The following SSBP2 variants were observed in gnomAD, a reference collection of about 807,000 sequenced individuals.
SSBP2 encodes single-stranded DNA-binding protein 2.
A neutral mutation model predicts 61.8 loss-of-function variants in SSBP2; 17 were observed. That is an observed-to-expected ratio of 0.28 (90% CI 0.19 to 0.41). SSBP2 has a LOEUF of 0.41. SSBP2 is among the 10% of genes least tolerant of loss of function. SSBP2 has a pLI of 1.00. For missense variants in SSBP2, 310 were observed against 458.7 expected, an observed-to-expected ratio of 0.68 and a Z score of 2.96; for synonymous variants, 139 against 141.3, an observed-to-expected ratio of 0.98 and a Z score of 0.12.
At chr5:81,615,623 A>C in intron 3 of SSBP2, 66 bp from the exon 4 acceptor site, 2 of 1,063,204 alleles carry the variant, frequency 1.9e-6, no homozygotes, top group East Asian at 4.8e-5. Flanking sequence ...TCACAATTCC[A>C]AAAGTAGAAG....
chr5:81,736,247 T>C (rs2085684428), intron 1 of SSBP2, among the ~76,000 whole-genome samples: 1 of 151,978 alleles, frequency 6.6e-6, no homozygotes, highest in Non-Finnish European at 1.5e-5. Flanking sequence ...ACTGGACTTC[T>C]TCCAAGCACA....
At chr5:81,511,055 T>C (rs1221773358) in intron 5 of SSBP2, among the ~76,000 whole-genome samples, 1 of 152,120 alleles carries the variant, frequency 6.6e-6, no homozygotes, top group Non-Finnish European at 1.5e-5. Context: ...TCTCTCTCTC[T>C]CTCCTTTTCC....
chr5:81,420,717 A>G (rs1453424524), intron 16 of SSBP2, among the ~76,000 whole-genome samples, 184 bp from the exon 17 acceptor site: 2 of 152,212 alleles, frequency 1.3e-5, no homozygotes, highest in Non-Finnish European at 2.9e-5. Context: ...TTAACTTAGT[A>G]CTGAAATTTT....
chr5:81,498,123 G>A (rs1477834357), intron 5 of SSBP2, among the ~76,000 whole-genome samples: 1 of 152,008 alleles, frequency 6.6e-6, no homozygotes, highest in Non-Finnish European at 1.5e-5. Flanking sequence ...TTTCCATTAA[G>A]AAAAGGCTCA....
At chr5:81,601,903 A>C (rs1230901261) in intron 4 of SSBP2, among the ~76,000 whole-genome samples, 1 of 152,192 alleles carries the variant, frequency 6.6e-6, no homozygotes, top group Admixed American at 6.5e-5. Flanking sequence ...CAAAACACCT[A>C]GTTATTCAGG....
chr5:81,550,871 T>G (rs955864597), intron 4 of SSBP2, among the ~76,000 whole-genome samples: 1 of 151,982 alleles, frequency 6.6e-6, no homozygotes, highest in African/African-American at 2.4e-5. Context: ...CCGAGGCAGG[T>G]GGATCACGAG....
At chr5:81,524,479 G>C (rs1353060342) in intron 4 of SSBP2, among the ~76,000 whole-genome samples, 1 of 151,930 alleles carries the variant, frequency 6.6e-6, no homozygotes, top group Admixed American at 6.6e-5. Context: ...ATTTGCTATG[G>C]CAGCAACTGA....
intron 4 of SSBP2, among the ~76,000 whole-genome samples, chr5:81,519,398 G>A (rs1350335978): frequency 2.0e-5 from 3 of 152,030 alleles, no homozygotes; most frequent in Non-Finnish European, 4.4e-5. Flanking sequence ...ACTGTAGCAG[G>A]TGTGAGAGAC....
intron 1 of SSBP2, among the ~76,000 whole-genome samples, chr5:81,728,708 G>C (rs1369756924): frequency 2.6e-5 from 4 of 152,126 alleles, no homozygotes; most frequent in Non-Finnish European, 4.4e-5. Flanking sequence ...AATAAATTCT[G>C]GTTGCTTGAT....
chr5:81,605,896 A>G (rs1744836373), intron 4 of SSBP2, among the ~76,000 whole-genome samples: 1 of 152,182 alleles, frequency 6.6e-6, no homozygotes, highest in South Asian at 2.1e-4. Flanking sequence ...CCACTGGTGG[A>G]AATTGTTAAG....
intron 5 of SSBP2, among the ~76,000 whole-genome samples, chr5:81,504,537 C>T (rs1455824521): frequency 6.6e-6 from 1 of 152,128 alleles, no homozygotes; most frequent in Non-Finnish European, 1.5e-5. Flanking sequence ...GAGCACTTTT[C>T]CCCCAGATAT....
At chr5:81,576,344 G>A (rs1481779214) in intron 4 of SSBP2, among the ~76,000 whole-genome samples, 1 of 152,056 alleles carries the variant, frequency 6.6e-6, no homozygotes, top group Non-Finnish European at 1.5e-5. Flanking sequence ...AACATGTAGA[G>A]TATATCATAA....
intron 16 of SSBP2, among the ~76,000 whole-genome samples, chr5:81,423,400 G>C (rs1441571522): frequency 3.9e-5 from 6 of 152,144 alleles, no homozygotes; most frequent in Non-Finnish European, 8.8e-5. Context: ...ATATAAACCA[G>C]TAAAAGATAC....
intron 14 of SSBP2, among the ~76,000 whole-genome samples, chr5:81,438,693 T>C (rs1012770334): frequency 6.6e-6 from 1 of 152,226 alleles, no homozygotes; most frequent in Non-Finnish European, 1.5e-5. Flanking sequence ...GAAAATTCTA[T>C]TCTGGTGACT....
chr5:81,709,850 T>C (rs1346961420), intron 1 of SSBP2, among the ~76,000 whole-genome samples: 1 of 151,980 alleles, frequency 6.6e-6, no homozygotes, highest in Non-Finnish European at 1.5e-5. Context: ...GAACTATTCC[T>C]TTGCATGCTA....
intron 1 of SSBP2, among the ~76,000 whole-genome samples, chr5:81,664,942 C>T (rs1750987915): frequency 6.6e-6 from 1 of 152,118 alleles, no homozygotes; most frequent in African/African-American, 2.4e-5. Flanking sequence ...TGTACCAGTG[C>T]CATGCTATTT....
chr5:81,462,563 T>A (rs1764614639), intron 9 of SSBP2, among the ~76,000 whole-genome samples: 1 of 152,178 alleles, frequency 6.6e-6, no homozygotes, highest in Non-Finnish European at 1.5e-5. Context: ...TTGTATTGAT[T>A]GTCTTTGGAA....
At chr5:81,684,027 G>C (rs1164678045) in intron 1 of SSBP2, among the ~76,000 whole-genome samples, 1 of 152,202 alleles carries the variant, frequency 6.6e-6, no homozygotes. Flanking sequence ...CAGCCACTTT[G>C]GAGGACAATT....
intron 16 of SSBP2, among the ~76,000 whole-genome samples, chr5:81,426,297 C>CT (rs767443990): frequency 7.9e-5 from 12 of 152,224 alleles, no homozygotes; most frequent in Admixed American, 3.9e-4. Context: ...CAAGTCCCTT[C>CT]TTCTCAGGAG....
Sources: allele counts gnomAD v4.1 joint callset (sites outside exome capture counted in the v4.1 genomes callset), GRCh38; gene constraint gnomAD v4.1.1; transcripts MANE v1.5; gene names NCBI Gene and HGNC (gene_info 2026-07-23, HGNC 2026-07-21).